Variants in NBEAL1 observed in about 807,000 individuals in gnomAD.
NBEAL1 encodes the protein neurobeachin-like protein 1.
NBEAL1 carries 273 observed loss-of-function variants against 351.3 expected under a neutral mutation model. The observed-to-expected ratio is 0.78, with a 90% CI of 0.70 to 0.86. NBEAL1 has a LOEUF of 0.86. Among genes scored for constraint, NBEAL1 ranks in the 40% least tolerant of loss-of-function variants. The pLI, the probability that NBEAL1 is intolerant of heterozygous loss-of-function variation, is 0.00. For missense variants in NBEAL1, 2,961 were observed against 3,201.3 expected, an observed-to-expected ratio of 0.92 and a Z score of 1.81; for synonymous variants, 1,050 against 1,086.4, an observed-to-expected ratio of 0.97 and a Z score of 0.66.
chr2:203,062,454 C>T lies in NBEAL1; in HGVS notation c.515+5001C>T. The T allele has an allele frequency of 1.1e-5, 4 of 364,084 alleles. No homozygotes were observed. The highest frequency in any genetic ancestry group is 6.3e-5 in the South Asian group (3 of 47,608). The allele number at this position is 364,084 out of a possible 1,614,324, so 22.6% of individuals were successfully genotyped here. A position where few individuals can be genotyped will look rare whatever the true frequency, so the allele number is the denominator to read the frequency against. On this transcript the variant is annotated intron_variant, in intron 6 of 55. Coordinates refer to ENST00000683969, the MANE Select transcript of NBEAL1 (RefSeq NM_001378026.1). The surrounding 1 kb of genome is among the most constrained non-coding windows in gnomAD (Gnocchi z 4.2). ...ATCCTGCCCAGGGATCTTGCAGGGCCTGCAGGTCACAGGCAACAGAGGCTG... is the reference window on the plus strand; with the variant it reads ...ATCCTGCCCAGGGATCTTGCAGGGCTTGCAGGTCACAGGCAACAGAGGCTG...
chr2:203,055,154 A>G (rs993036846), intron 4 of NBEAL1, among the ~76,000 whole-genome samples: 1 of 152,176 alleles, frequency 6.6e-6, no homozygotes, highest in African/African-American at 2.4e-5. Flanking sequence ...TTTTAAAAAA[A>G]GTTTTGTCCA....
intron 8 of NBEAL1, among the ~76,000 whole-genome samples, chr2:203,080,951 G>C (rs2061861090): frequency 6.6e-6 from 1 of 152,170 alleles, no homozygotes; most frequent in African/African-American, 2.4e-5. Context: ...AAAACACAGA[G>C]ACTTGTTCTT....
At chr2:203,043,653 CAG>C (rs2106051703) in intron 3 of NBEAL1, among the ~76,000 whole-genome samples, 1 of 150,762 alleles carries the variant, frequency 6.6e-6, no homozygotes, top group African/African-American at 2.4e-5. Context: ...CAATTTGGCC[CAG>C]AGAGTTGAGG....
intron 2 of NBEAL1, among the ~76,000 whole-genome samples, chr2:203,016,893 CTT>C (rs1053381121): frequency 1.3e-5 from 2 of 152,126 alleles, no homozygotes; most frequent in Non-Finnish European, 2.9e-5. Context: ...AGTTAGCACT[CTT>C]TGAGCATTGT....
chr2:203,196,208 A>G (rs2065237213), intron 47 of NBEAL1, among the ~76,000 whole-genome samples: 1 of 152,244 alleles, frequency 6.6e-6, no homozygotes, highest in South Asian at 2.1e-4. Context: ...CTTGTAATAT[A>G]GTACATTCCA....
chr2:203,135,933 A>G lies in NBEAL1; in HGVS notation c.4070A>G (p.Gln1357Arg), dbSNP rs781217312. The G allele has an allele frequency of 1.2e-6, 2 of 1,614,098 alleles. No individual in the cohort carries two copies. The highest frequency in any genetic ancestry group is 2.2e-5 in the East Asian group (1 of 44,894). ...SFASANVSSDQWSLEDRHSLD... is the reference protein window; with the variant it reads ...SFASANVSSDRWSLEDRHSLD... Reference sequence around the variant, plus strand: ...GCCTCAGCTAATGTGTCTTCGGATCAGTGGAGTTTGGAGGATAGACACTCT... The same window carrying G: ...GCCTCAGCTAATGTGTCTTCGGATCGGTGGAGTTTGGAGGATAGACACTCT... Residue 1357 changes from glutamine to arginine, a missense_variant, in exon 28 of 56, where the codon CAG becomes CGG. Physicochemically the swap from Gln to Arg is conservative, Grantham distance 43. Coordinates refer to ENST00000683969, the MANE Select transcript of NBEAL1 (RefSeq NM_001378026.1).
At chr2:203,056,581 T>C in intron 5 of NBEAL1, 73 bp downstream of exon 5, 2 of 916,196 alleles carry the variant, frequency 2.2e-6, no homozygotes, top group Admixed American at 2.1e-5. Context: ...GTTTGTTTGT[T>C]TTGAGATGGA....
At position 203,157,806 on chromosome 2, in the gene NBEAL1, A is replaced by G. The variant is rs1229038758; in HGVS notation, c.5695A>G (p.Ile1899Val). ...EDKLDLPEEDITARVNVDEKE... is the reference protein window; with the variant it reads ...EDKLDLPEEDVTARVNVDEKE... ...TAAATTAGACCTTCCTGAAGAGGAT[A>G]TAACAGCTAGAGTAAATGTGTATGT... Residue 1899 changes from isoleucine (I) to valine (V), a missense_variant, in exon 36 of 56, where the codon ATA becomes GTA. Ile to Val is a conservative substitution (Grantham distance 29). Coordinates refer to ENST00000683969, the MANE Select transcript of NBEAL1 (RefSeq NM_001378026.1). The G allele has an allele frequency of 3.2e-6, 5 of 1,571,518 alleles. No individual in the cohort carries two copies. Among genetic ancestry groups the G allele is most frequent in the South Asian group, 2.4e-5 (2 of 82,796 alleles).
At chr2:203,162,610 G>T (rs569530760) in intron 36 of NBEAL1, among the ~76,000 whole-genome samples, 1 of 152,238 alleles carries the variant, frequency 6.6e-6, no homozygotes, top group Admixed American at 6.5e-5. Flanking sequence ...TTGGCATGGT[G>T]ATGTGAGCCT....
intron 7 of NBEAL1, among the ~76,000 whole-genome samples, chr2:203,072,609 G>A (rs1471610286): frequency 6.6e-6 from 1 of 152,100 alleles, no homozygotes; most frequent in African/African-American, 2.4e-5. Context: ...TTCATTGCTT[G>A]CTGCATGTTC....
At chr2:203,033,319 T>C (rs1574871839) in intron 2 of NBEAL1, among the ~76,000 whole-genome samples, 1 of 152,318 alleles carries the variant, frequency 6.6e-6, no homozygotes, top group Middle Eastern at 3.4e-3. Context: ...TTTTTAAATG[T>C]GAAAGTTCCC....
intron 53 of NBEAL1, among the ~76,000 whole-genome samples, chr2:203,210,276 T>C (rs1224310489): frequency 2.6e-5 from 4 of 151,356 alleles, no homozygotes; most frequent in African/African-American, 9.7e-5. Context: ...GACAGGAGAA[T>C]TGCTTGAACC....
chr2:203,074,778 G>A (rs905511643), intron 7 of NBEAL1: 23 of 179,144 alleles, frequency 1.3e-4, no homozygotes, highest in Admixed American at 5.1e-4. Context: ...TGATTGGGGT[G>A]TAGACCTGGC....
intron 29 of NBEAL1, 144 bp downstream of exon 29, chr2:203,136,918 A>G (rs2063226173): frequency 2.8e-6 from 2 of 702,128 alleles, no homozygotes; most frequent in Non-Finnish European, 4.6e-6. Flanking sequence ...TCCTTTTCCT[A>G]TCTTTTGCCG....
intron 46 of NBEAL1, chr2:203,190,697 G>A (rs2065045210): frequency 7.8e-6 from 12 of 1,543,906 alleles, no homozygotes; most frequent in East Asian, 4.8e-5. Context: ...AATTGCTCTC[G>A]GCTTTCGGCT....
chr2:203,108,217 G>T (rs909263867), intron 14 of NBEAL1, 29 bp downstream of exon 14: 1 of 1,450,680 alleles, frequency 6.9e-7, no homozygotes, highest in Non-Finnish European at 9.4e-7. Flanking sequence ...GAATATAAAT[G>T]AATACTGTCA....
chr2:203,064,758 A>G (rs2061554048), intron 6 of NBEAL1, among the ~76,000 whole-genome samples: 1 of 152,204 alleles, frequency 6.6e-6, no homozygotes, highest in South Asian at 2.1e-4. Flanking sequence ...TGGAAGCTGT[A>G]TTGGAAGAGG....
At chr2:203,188,094 A>AT (rs1215484411) in intron 44 of NBEAL1, among the ~76,000 whole-genome samples, 3 of 151,336 alleles carry the variant, frequency 2.0e-5, no homozygotes, top group Non-Finnish European at 3.0e-5. Context: ...TTAAATTGAT[A>AT]TTTTTTTTTC....
intron 7 of NBEAL1, among the ~76,000 whole-genome samples, chr2:203,071,541 A>G (rs1271076496): frequency 6.6e-6 from 1 of 152,150 alleles, no homozygotes; most frequent in Non-Finnish European, 1.5e-5. Flanking sequence ...TTGCCCCCCC[A>G]TTCATGTACT....
Sources: gnomAD v4.1 joint callset for allele counts (sites outside exome capture counted in the v4.1 genomes callset) on GRCh38, gnomAD v4.1.1 for gene constraint, Gnocchi (gnomAD v3.1) non-coding constraint, MANE v1.5 for transcripts, NCBI Gene and HGNC (gene_info 2026-07-23, HGNC 2026-07-21) for gene names.